CIB2: variants seen among roughly 807,000 people sequenced by gnomAD.
The protein encoded by CIB2 is calcium and integrin-binding family member 2.
Under a neutral mutation model 23.1 loss-of-function variants are expected in CIB2, and 19 were observed. The observed-to-expected ratio is 0.82, with a 90% CI of 0.57 to 1.21. CIB2 has a LOEUF of 1.21. Ranked by LOEUF, CIB2 falls within the 50% of genes most tolerant of loss-of-function variation. The pLI is 0.00. For missense variants in CIB2, 220 were observed against 241.5 expected (o/e 0.91, Z 0.59); for synonymous variants, 94 against 91.7 (o/e 1.03, Z -0.14).
At chr15:78,110,040 G>A (rs1315746962) in intron 3 of CIB2, among the ~76,000 whole-genome samples, 1 of 152,146 alleles carries the variant, frequency 6.6e-6, no homozygotes, top group Non-Finnish European at 1.5e-5. Context: ...GGTGGATGTG[G>A]GGTCAGATAA....
chr15:78,127,787 C>T (rs1046033754), intron 1 of CIB2, among the ~76,000 whole-genome samples: 1 of 152,194 alleles, frequency 6.6e-6, no homozygotes, highest in African/African-American at 2.4e-5. Context: ...GACCATCACA[C>T]GGCTCAAGGT....
At chr15:78,123,663 C>G (rs1415223300) in intron 2 of CIB2, 42 bp downstream of exon 2, 1 of 1,611,608 alleles carries the variant, frequency 6.2e-7, no homozygotes, top group African/African-American at 1.3e-5. Flanking sequence ...CACCCCGGCC[C>G]CAGTCCCAGT....
At chr15:78,120,578 C>G (rs2074303746) in intron 2 of CIB2, 1 of 984,756 alleles carries the variant, frequency 1.0e-6, no homozygotes, top group South Asian at 4.7e-5. Context: ...CTATAAAAAG[C>G]AAGGTGACTG....
chr15:78,126,121 C>CT (rs1404268822), intron 1 of CIB2, among the ~76,000 whole-genome samples: 2 of 150,190 alleles, frequency 1.3e-5, no homozygotes, highest in Non-Finnish European at 2.9e-5. Context: ...ACTTAGGCCT[C>CT]TGTGCTTCCC....
At chr15:78,129,105 G>A (rs977325780) in intron 1 of CIB2, among the ~76,000 whole-genome samples, 3 of 152,130 alleles carry the variant, frequency 2.0e-5, no homozygotes, top group African/African-American at 7.2e-5. Context: ...CCAAGAGGGT[G>A]CACCCTGCCC....
At chr15:78,121,490 T>C (rs2074317888) in intron 2 of CIB2, among the ~76,000 whole-genome samples, 1 of 152,162 alleles carries the variant, frequency 6.6e-6, no homozygotes, top group Non-Finnish European at 1.5e-5. Context: ...AATCTCATCT[T>C]GAATTGTAGT....
At chr15:78,113,680 G>A (rs1032081684) in intron 2 of CIB2, among the ~76,000 whole-genome samples, 1 of 152,044 alleles carries the variant, frequency 6.6e-6, no homozygotes, top group African/African-American at 2.4e-5. Context: ...ACAGGCGCCT[G>A]CCACAATGCC....
intron 1 of CIB2, among the ~76,000 whole-genome samples, chr15:78,128,034 A>G (rs2074404868): frequency 6.6e-6 from 1 of 152,242 alleles, no homozygotes; most frequent in African/African-American, 2.4e-5. Context: ...TCATTTGACA[A>G]CATCCTCCAA....
At chr15:78,126,140 G>GC (rs55741935) in intron 1 of CIB2, among the ~76,000 whole-genome samples, 18,353 of 129,348 alleles carry the variant, frequency 0.14, 1,750 homozygotes, top group East Asian at 0.65. Context: ...CCTTTCCCCT[G>GC]CCCCCCCCCC....
intron 2 of CIB2, among the ~76,000 whole-genome samples, chr15:78,120,897 T>C (rs188146764): frequency 1.4e-3 from 206 of 152,264 alleles, no homozygotes; most frequent in African/African-American, 4.6e-3. Context: ...AAGATGAGCA[T>C]GGCCTGGGGC....
At chr15:78,129,863 C>G (rs3784331) in intron 1 of CIB2, among the ~76,000 whole-genome samples, 26,230 of 152,220 alleles carry the variant, frequency 0.17, 2,352 homozygotes, top group East Asian at 0.28. Context: ...ATCCACCTCA[C>G]TGTGATGATC....
intron 2 of CIB2, among the ~76,000 whole-genome samples, chr15:78,114,871 G>A (rs2074215345): frequency 6.6e-6 from 1 of 151,278 alleles, no homozygotes; most frequent in Admixed American, 6.6e-5. Context: ...TCTCTAGCCT[G>A]GGCAACAGAG....
At chr15:78,116,751 T>C (rs894501256) in intron 2 of CIB2, among the ~76,000 whole-genome samples, 3 of 152,122 alleles carry the variant, frequency 2.0e-5, no homozygotes, top group African/African-American at 7.2e-5. Context: ...TTCTACACAA[T>C]AGTTTTTCTA....
In CIB2 at chr15:78,105,830, T is replaced by C. The variant is rs563859206; in HGVS notation, c.451A>G (p.Lys151Glu). 1.9e-6 allele frequency: 3 copies of C among 1,614,166 alleles called. No individual in the cohort carries two copies. The highest frequency in any genetic ancestry group is 2.5e-6 in the Non-Finnish European group (3 of 1,180,006). The change falls in exon 5 of 6, where the codon AAG becomes GAG. Residue 151 changes from lysine to glutamate, a missense_variant. Transcript: ENST00000258930. ...TCCAAGTCAGCCTCCTCAATGACCT[T>C]GTCGCACACAAGCACCACCTCCTCC... ...DEEEVVLVCD[K>E]VIEEADLDGD...
At position 78,105,825 on chromosome 15, in the gene CIB2, G is replaced by A. The variant is rs368082418; in HGVS notation, c.456C>T (p.Val152=). 14 of 1,614,144 alleles carry A rather than the reference G, an allele frequency of 8.7e-6. No homozygotes were observed. Among genetic ancestry groups the A allele is most frequent in the Non-Finnish European group, 1.2e-5 (14 of 1,180,016 alleles). Residue 152 remains valine, a synonymous_variant, in exon 5 of 6, where the codon GTC becomes GTT. Coordinates refer to ENST00000258930, the MANE Select transcript of CIB2 (RefSeq NM_006383.4). Reference sequence around the variant, plus strand: ...CACCGTCCAAGTCAGCCTCCTCAATGACCTTGTCGCACACAAGCACCACCT... The same window carrying A: ...CACCGTCCAAGTCAGCCTCCTCAATAACCTTGTCGCACACAAGCACCACCT... ...EEEVVLVCDK[V]IEEADLDGDG...
At chr15:78,105,710 C>T (rs201900500) in intron 5 of CIB2, 29 bp downstream of exon 5, 3 of 1,613,250 alleles carry the variant, frequency 1.9e-6, no homozygotes, top group Admixed American at 1.7e-5. Context: ...CTCTGCCCTG[C>T]CCAAGCCCGG....
chr15:78,118,177 T>C (rs1474186945), intron 2 of CIB2, among the ~76,000 whole-genome samples: 1 of 152,220 alleles, frequency 6.6e-6, no homozygotes, highest in African/African-American at 2.4e-5. Flanking sequence ...AAAAAGCTTG[T>C]ATATATTTAT....
Position 78,105,376 on chromosome 15 carries a change from C to T in CIB2, c.543-44G>A, listed in dbSNP as rs148233551. 427 of 1,612,992 alleles carry T rather than the reference C, an allele frequency of 2.6e-4. 5 individuals are homozygous for T. The East Asian group carries it at 8.2e-3, about 31-fold the overall frequency. On this transcript the variant is annotated intron_variant, in intron 5 of 5. Coordinates refer to ENST00000258930, the MANE Select transcript of CIB2 (RefSeq NM_006383.4). ...CAAGAGAGGGTGAGAGGCCCTGGGT[C>T]GGGCAGGTAAAGGCTCCTCAGGGAA...
Position 78,109,219 on chromosome 15 carries a change from C to T in CIB2, c.346+16G>A, listed in dbSNP as rs776069290. ...CCCCACCGCATATTCAGGCCCCCTC[C>T]TCTAGCCCTGGTTACCATAGATCTT... On this transcript the variant is annotated intron_variant, in intron 4 of 5. Coordinates refer to ENST00000258930, the MANE Select transcript of CIB2 (RefSeq NM_006383.4). 2 of 1,313,828 alleles carry T rather than the reference C, an allele frequency of 1.5e-6. No individual in the cohort carries two copies. 81.4% of individuals were successfully genotyped at this position (1,313,828 alleles called of 1,614,324 possible). A position where few individuals can be genotyped will look rare whatever the true frequency, so the allele number is the denominator to read the frequency against.
Sources: gnomAD v4.1 joint callset for allele counts (sites outside exome capture counted in the v4.1 genomes callset) on GRCh38, gnomAD v4.1.1 for gene constraint, MANE v1.5 for transcripts, NCBI Gene and HGNC (gene_info 2026-07-23, HGNC 2026-07-21) for gene names.